Variants in KDM4C observed in about 807,000 individuals in gnomAD.
The protein encoded by KDM4C is lysine-specific demethylase 4C.
KDM4C carries 81 observed loss-of-function variants against 129.3 expected under a neutral mutation model. The observed-to-expected ratio is 0.63, with a 90% confidence interval of 0.52 to 0.75. The LOEUF is 0.75. Among genes scored for constraint, KDM4C ranks in the 30% least tolerant of loss-of-function variants. The probability of loss-of-function intolerance (pLI) is 0.00; values close to 1 mark genes in which losing one functional copy is unlikely to be tolerated. For missense variants in KDM4C, 1,457 were observed against 1,304.0 expected (o/e 1.12, Z -1.81); for synonymous variants, 573 against 456.1 (o/e 1.26, Z -3.26).
chr9:6,907,959 A>C (rs1238534679), intron 8 of KDM4C, among the ~76,000 whole-genome samples: 1 of 152,198 alleles, frequency 6.6e-6, no homozygotes, highest in African/African-American at 2.4e-5. Flanking sequence ...AGTGTGGAAA[A>C]TTCACCAGCA....
At chr9:6,820,851 C>T (rs975396215) in intron 4 of KDM4C, among the ~76,000 whole-genome samples, 1 of 151,872 alleles carries the variant, frequency 6.6e-6, no homozygotes. Flanking sequence ...GATATTTCTC[C>T]TAATGCTATC....
chr9:6,973,202 T>G (rs1355900611), intron 8 of KDM4C, among the ~76,000 whole-genome samples: 1 of 152,224 alleles, frequency 6.6e-6, no homozygotes, highest in Non-Finnish European at 1.5e-5. Context: ...GTGTTAAATT[T>G]CTGCTGCTGC....
chr9:7,108,689 G>A (rs1442299119), intron 18 of KDM4C, among the ~76,000 whole-genome samples: 1 of 152,090 alleles, frequency 6.6e-6, no homozygotes, highest in African/African-American at 2.4e-5. Flanking sequence ...GGGCTCTGTG[G>A]GTTAACCTAT....
At chr9:6,904,218 A>C (rs1047209747) in intron 8 of KDM4C, among the ~76,000 whole-genome samples, 2 of 152,098 alleles carry the variant, frequency 1.3e-5, no homozygotes, top group Non-Finnish European at 2.9e-5. Context: ...CAGCCTGGGC[A>C]ACAGAGTGAG....
In KDM4C at chr9:6,984,356, A is replaced by G. The variant is rs1817311745; in HGVS notation, c.1306A>G (p.Ser436Gly). ...ATCTTCAGAAGAAGAGTCATCTGCTAGCAGGATGCAGGTGGAGCAGAATTT... is the reference window on the plus strand; with the variant it reads ...ATCTTCAGAAGAAGAGTCATCTGCTGGCAGGATGCAGGTGGAGCAGAATTT... ...EASSEEESSA[S>G]RMQVEQNLSD... The change falls in exon 10 of 22, where the codon AGC (serine) becomes GGC (glycine). Residue 436 changes from serine to glycine, a missense_variant. Physicochemically the swap from Ser to Gly is moderately conservative, Grantham distance 56. Transcript: ENST00000381309. 2 of 1,613,836 alleles carry G rather than the reference A, an allele frequency of 1.2e-6. No individual in the cohort carries two copies. Among genetic ancestry groups the G allele is most frequent in the East Asian group, 2.2e-5 (1 of 44,894 alleles).
At chr9:6,826,298 G>A (rs1461100263) in intron 4 of KDM4C, among the ~76,000 whole-genome samples, 2 of 151,462 alleles carry the variant, frequency 1.3e-5, no homozygotes, top group African/African-American at 4.9e-5. Context: ...TAAGGTAAAA[G>A]TTACCTTTTT....
At chr9:7,110,539 T>C (rs779870513) in intron 18 of KDM4C, among the ~76,000 whole-genome samples, 64 of 152,260 alleles carry the variant, frequency 4.2e-4, no homozygotes, top group South Asian at 8.3e-4. Context: ...TTGTATGGTT[T>C]AGTGGGTGGG....
chr9:7,143,489 G>A (rs939968488), intron 19 of KDM4C, among the ~76,000 whole-genome samples: 2 of 152,144 alleles, frequency 1.3e-5, no homozygotes, highest in African/African-American at 4.8e-5. Flanking sequence ...ATTCTGAACC[G>A]GGCATTCCAC....
chr9:6,751,125 C>T (rs1344747424), intron 1 of KDM4C, among the ~76,000 whole-genome samples: 1 of 152,166 alleles, frequency 6.6e-6, no homozygotes, highest in Admixed American at 6.6e-5. Flanking sequence ...TCACTTCTGT[C>T]ACATTCTGTT....
At position 6,758,492 on chromosome 9, in the gene KDM4C, C is replaced by T. The variant is rs530853234; in HGVS notation, c.-18+289C>T. On this transcript the variant is annotated intron_variant, in intron 1 of 21. Coordinates refer to ENST00000381309, the MANE Select transcript of KDM4C (RefSeq NM_015061.6). This position sits in a 1 kb window ranked among gnomAD's most constrained non-coding sequence, Gnocchi z 4.6. ...TCCCGGGATCCGGAGTCGGGGTCGCCTCCTTGGGGCAGAGGAGCGCTCGGG... is the reference window on the plus strand; with the variant it reads ...TCCCGGGATCCGGAGTCGGGGTCGCTTCCTTGGGGCAGAGGAGCGCTCGGG... Among the ~76,000 whole-genome samples the T allele has an allele frequency of 1.9e-4, 29 of 152,346 alleles. No homozygotes were observed. The highest frequency in any genetic ancestry group is 6.7e-4 in the African/African-American group (28 of 41,586).
chr9:6,796,557 A>C (rs1399506596), intron 2 of KDM4C, among the ~76,000 whole-genome samples: 1 of 152,272 alleles, frequency 6.6e-6, no homozygotes, highest in African/African-American at 2.4e-5. Context: ...AACAGCAGCT[A>C]CCCTCACAAG....
At chr9:6,751,381 G>A (rs1414788863) in intron 1 of KDM4C, among the ~76,000 whole-genome samples, 1 of 152,126 alleles carries the variant, frequency 6.6e-6, no homozygotes, top group East Asian at 1.9e-4. Context: ...GGGAGGTGGA[G>A]GTTGCAGTGA....
At chr9:6,892,766 A>G (rs564937455) in intron 7 of KDM4C, among the ~76,000 whole-genome samples, 2 of 152,352 alleles carry the variant, frequency 1.3e-5, no homozygotes, top group Non-Finnish European at 2.9e-5. Flanking sequence ...TTATTAAAAT[A>G]TAAGAATATA....
At chr9:7,025,511 A>C (rs1825663176) in intron 15 of KDM4C, among the ~76,000 whole-genome samples, 1 of 151,982 alleles carries the variant, frequency 6.6e-6, no homozygotes, top group Non-Finnish European at 1.5e-5. Context: ...TTTATTTTTT[A>C]GGTATATGTT....
chr9:7,128,164 A>G lies in KDM4C; in HGVS notation c.2709A>G (p.Thr903=), dbSNP rs1840222259. Residue 903 remains threonine, a synonymous_variant, in exon 19 of 22, where the codon ACA becomes ACG. Coordinates refer to ENST00000381309, the MANE Select transcript of KDM4C (RefSeq NM_015061.6). ...RYYSCRVMAV[T]SQTFYEVMFD... ...ACAGTTGCAGAGTGATGGCTGTGAC[A>G]TCGCAGACCTTCTATGAGGTCATGT... 1.2e-6 allele frequency: 2 copies of G among 1,613,268 alleles called. No individual in the cohort carries two copies. The highest frequency in any genetic ancestry group is 1.7e-6 in the Non-Finnish European group (2 of 1,179,644).
chr9:7,067,653 G>C (rs955918602), intron 17 of KDM4C, among the ~76,000 whole-genome samples: 2 of 152,048 alleles, frequency 1.3e-5, no homozygotes, highest in Admixed American at 1.3e-4. Flanking sequence ...ATTTTCAAAG[G>C]CCTGTTGTTT....
chr9:7,121,862 T>C (rs1359339785), intron 18 of KDM4C, among the ~76,000 whole-genome samples: 2 of 152,054 alleles, frequency 1.3e-5, no homozygotes, highest in Non-Finnish European at 2.9e-5. Flanking sequence ...ATTCTATTGG[T>C]GTTACTTCCT....
At chr9:7,044,335 G>A (rs1219294548) in intron 15 of KDM4C, among the ~76,000 whole-genome samples, 1 of 152,018 alleles carries the variant, frequency 6.6e-6, no homozygotes, top group Non-Finnish European at 1.5e-5. Flanking sequence ...CAGTGAGGCT[G>A]GCCAAGACCA....
At chr9:7,156,247 A>G (rs568988700) in intron 19 of KDM4C, among the ~76,000 whole-genome samples, 2 of 152,176 alleles carry the variant, frequency 1.3e-5, no homozygotes, top group Admixed American at 1.3e-4. Context: ...TAGATTCTGG[A>G]TATCAGCCCT....
Sources: allele counts gnomAD v4.1 joint callset (sites outside exome capture counted in the v4.1 genomes callset), GRCh38; gene constraint gnomAD v4.1.1; non-coding constraint Gnocchi (gnomAD v3.1); transcripts MANE v1.5; gene names NCBI Gene and HGNC (gene_info 2026-07-23, HGNC 2026-07-21).